Variants in THSD7B observed in about 807,000 individuals in gnomAD.
The protein encoded by THSD7B is thrombospondin type-1 domain-containing protein 7B.
A neutral mutation model predicts 213.6 loss-of-function variants in THSD7B; 138 were observed. The ratio of observed to expected loss-of-function variants is 0.65; its 90% CI spans 0.56 to 0.74. THSD7B has a LOEUF of 0.74. Ranked by LOEUF, THSD7B falls within the 30% of genes least tolerant of loss-of-function variation. THSD7B has a pLI of 0.00. For synonymous variants in THSD7B, 742 were observed against 687.0 expected (o/e 1.08, Z -1.25); for missense variants, 1,931 against 1,991.5 (o/e 0.97, Z 0.58).
intron 2 of THSD7B, among the ~76,000 whole-genome samples, chr2:136,930,879 T>C (rs1031484091): frequency 6.6e-6 from 1 of 152,054 alleles, no homozygotes; most frequent in Non-Finnish European, 1.5e-5. Context: ...AACACAGGCC[T>C]AAGAGACGTC....
chr2:137,193,340 A>C (rs151259964), intron 7 of THSD7B, among the ~76,000 whole-genome samples: 138 of 152,278 alleles, frequency 9.1e-4, no homozygotes, highest in African/African-American at 3.2e-3. Context: ...ATGAGGTGCA[A>C]ATTGATGTTA....
chr2:137,584,467 T>C (rs11888421), intron 17 of THSD7B, among the ~76,000 whole-genome samples: 8,810 of 152,278 alleles, frequency 0.058, 480 homozygotes, highest in African/African-American at 0.13. Context: ...ATATTGGCTG[T>C]GGCTTTGTCA....
In THSD7B at chr2:136,981,501, T is replaced by C. The variant is rs77276402; in HGVS notation, c.140-74919T>C. On this transcript the variant is annotated intron_variant, in intron 2 of 27. Coordinates refer to ENST00000409968, the MANE Select transcript of THSD7B (RefSeq NM_001316349.2). ...CCTGCTTGTCTCTTCATTTTTTAGT[T>C]TAATTCTATTCTAGCCATCCCTCCC... Among the ~76,000 whole-genome samples the C allele has an allele frequency of 6.8e-3, 1,035 of 152,296 alleles. 64 individuals are homozygous for C. The East Asian group carries it at 0.13, about 20-fold the overall frequency.
chr2:137,289,177 TA>T (rs981024295), intron 12 of THSD7B, among the ~76,000 whole-genome samples: 3 of 152,146 alleles, frequency 2.0e-5, no homozygotes, highest in Admixed American at 2.0e-4. Flanking sequence ...ATGTTTTTTT[TA>T]AAGTAAGTGA....
At chr2:137,186,633 GTCAGGTAACATGAT>G (rs1275366611) in intron 7 of THSD7B, among the ~76,000 whole-genome samples, 1 of 152,104 alleles carries the variant, frequency 6.6e-6, no homozygotes, top group African/African-American at 2.4e-5. Flanking sequence ...GTAGTTTGAA[GTCAGGTAACATGAT>G]TCCTCTGAAT....
At chr2:137,210,539 A>G (rs1681080634) in intron 7 of THSD7B, among the ~76,000 whole-genome samples, 1 of 152,066 alleles carries the variant, frequency 6.6e-6, no homozygotes, top group East Asian at 1.9e-4. Flanking sequence ...TTAAACATTC[A>G]AAACATTCAA....
chr2:136,943,501 T>C (rs1266195862), intron 2 of THSD7B, among the ~76,000 whole-genome samples: 19 of 152,304 alleles, frequency 1.2e-4, no homozygotes, highest in Middle Eastern at 3.4e-3. Flanking sequence ...GCTGTGAATC[T>C]GTCTGGTCCT....
At chr2:137,674,561 T>C (rs897698575) in intron 27 of THSD7B, among the ~76,000 whole-genome samples, 1 of 152,172 alleles carries the variant, frequency 6.6e-6, no homozygotes, top group African/African-American at 2.4e-5. Context: ...CCTGAGCCCA[T>C]CAGTATAATT....
chr2:137,308,799 A>G (rs1683818962), intron 12 of THSD7B, among the ~76,000 whole-genome samples: 1 of 152,276 alleles, frequency 6.6e-6, no homozygotes, highest in Non-Finnish European at 1.5e-5. Flanking sequence ...ATTTATCTAT[A>G]TGTATATGTA....
intron 21 of THSD7B, among the ~76,000 whole-genome samples, chr2:137,652,275 C>T (rs1683155183): frequency 1.3e-5 from 2 of 152,002 alleles, no homozygotes; most frequent in African/African-American, 4.8e-5. Flanking sequence ...TTGCTATATC[C>T]TCTTGCTGAA....
intron 2 of THSD7B, among the ~76,000 whole-genome samples, chr2:137,026,996 T>A (rs1432592601): frequency 6.6e-6 from 1 of 152,202 alleles, no homozygotes; most frequent in Non-Finnish European, 1.5e-5. Flanking sequence ...AGTTTGGTGT[T>A]TGGTAAGCCT....
intron 2 of THSD7B, among the ~76,000 whole-genome samples, chr2:136,930,035 A>C (rs560590452): frequency 1.3e-5 from 2 of 152,346 alleles, no homozygotes; most frequent in African/African-American, 4.8e-5. Context: ...AAAGGGCATG[A>C]AAATCAAGTT....
At chr2:136,932,703 TGAG>T (rs1482000238) in intron 2 of THSD7B, among the ~76,000 whole-genome samples, 1 of 152,060 alleles carries the variant, frequency 6.6e-6, no homozygotes, top group Admixed American at 6.5e-5. Flanking sequence ...TTAAGTAGGC[TGAG>T]GAGGAGGAAG....
intron 2 of THSD7B, among the ~76,000 whole-genome samples, chr2:136,940,948 T>C (rs1262587764): frequency 6.6e-6 from 1 of 151,708 alleles, no homozygotes; most frequent in Non-Finnish European, 1.5e-5. Flanking sequence ...GTTGGTTTGT[T>C]GCACCTACTA....
chr2:136,823,641 C>T (rs1682599188), intron 1 of THSD7B, among the ~76,000 whole-genome samples: 1 of 152,036 alleles, frequency 6.6e-6, no homozygotes, highest in Non-Finnish European at 1.5e-5. Context: ...GCAGAAATAT[C>T]TCATTTTAGC....
At chr2:137,466,106 A>G (rs915749240) in intron 15 of THSD7B, among the ~76,000 whole-genome samples, 2 of 152,190 alleles carry the variant, frequency 1.3e-5, no homozygotes, top group Admixed American at 6.6e-5. Context: ...AAATGATATA[A>G]GTTTATAATA....
chr2:137,585,322 T>G (rs1681697327), intron 17 of THSD7B, among the ~76,000 whole-genome samples: 2 of 152,314 alleles, frequency 1.3e-5, no homozygotes, highest in South Asian at 2.1e-4. Context: ...TTGAAAGGTT[T>G]TTTTGTCTCT....
chr2:137,336,965 A>G (rs1379750891), intron 12 of THSD7B, among the ~76,000 whole-genome samples: 1 of 151,996 alleles, frequency 6.6e-6, no homozygotes, highest in Non-Finnish European at 1.5e-5. Flanking sequence ...TAAAAACTAC[A>G]AAATAGTTGC....
chr2:137,164,878 C>G (rs568250828), intron 6 of THSD7B, among the ~76,000 whole-genome samples: 1 of 151,722 alleles, frequency 6.6e-6, no homozygotes, highest in Non-Finnish European at 1.5e-5. Flanking sequence ...CGGGGCCTGT[C>G]GTGGGGTGGG....
Sources: gnomAD v4.1 joint callset for allele counts (sites outside exome capture counted in the v4.1 genomes callset) on GRCh38, gnomAD v4.1.1 for gene constraint, MANE v1.5 for transcripts, NCBI Gene and HGNC (gene_info 2026-07-23, HGNC 2026-07-21) for gene names.